Variants in MYO18B observed in about 807,000 individuals in gnomAD.
MYO18B encodes myosin XVIIIB.
MYO18B carries 204 observed loss-of-function variants against 273.0 expected under a neutral mutation model. That is an observed-to-expected ratio of 0.75 (90% CI 0.67 to 0.84). The LOEUF (loss-of-function observed/expected upper bound fraction) is 0.84, where lower values mean the gene tolerates loss of function less well. MYO18B is among the 40% of genes least tolerant of loss of function. The pLI, the probability that MYO18B is intolerant of heterozygous loss-of-function variation, is 0.00. For missense variants in MYO18B, 3,212 were observed against 3,287.6 expected (o/e 0.98, Z 0.56); for synonymous variants, 1,330 against 1,305.7 (o/e 1.02, Z -0.40).
intron 21 of MYO18B, among the ~76,000 whole-genome samples, chr22:25,863,180 T>C (rs1463095400): frequency 6.6e-6 from 1 of 152,222 alleles, no homozygotes; most frequent in Non-Finnish European, 1.5e-5. Context: ...AAATAATTTC[T>C]ATCTTGTTAT....
In MYO18B at chr22:26,027,373, G is replaced by T; in HGVS notation, c.7399G>T (p.Gly2467Cys). The change falls in exon 43 of 44, where the codon GGT becomes TGT. Residue 2467 changes from glycine (G) to cysteine (C), a missense_variant. Coordinates refer to ENST00000335473, the MANE Select transcript of MYO18B (RefSeq NM_032608.7). This position sits in a 1 kb window ranked among gnomAD's most constrained non-coding sequence, Gnocchi z 4.1. ...LAGSAKGGQD[G>C]SQRSSIHFET... Reference sequence around the variant, plus strand: ...TGGATCAGCCAAAGGTGGGCAAGACGGTTCACAGCGTTCAAGCATCCACTT... The same window carrying T: ...TGGATCAGCCAAAGGTGGGCAAGACTGTTCACAGCGTTCAAGCATCCACTT... 2.5e-6 allele frequency: 4 copies of T among 1,613,952 alleles called. No homozygotes were observed. The South Asian group carries it at 4.4e-5, about 18-fold the overall frequency.
chr22:25,837,524 G>A (rs181659650), intron 17 of MYO18B, among the ~76,000 whole-genome samples: 290 of 152,298 alleles, frequency 1.9e-3, no homozygotes, highest in Admixed American at 4.2e-3. Context: ...GGAATGTTTC[G>A]GGTGATTGTC....
the MYO18B span, among the ~76,000 whole-genome samples, chr22:26,063,564 C>A: frequency 1.3e-5 from 2 of 152,174 alleles, no homozygotes; most frequent in Non-Finnish European, 2.9e-5. Context: ...AGGTCCAGGT[C>A]TCTTTGCACA....
Position 25,947,758 on chromosome 22 carries a change from T to C in MYO18B, c.5678T>C (p.Leu1893Pro). Residue 1893 changes from leucine (L) to proline (P), a missense_variant, in exon 36 of 44, where the codon CTG becomes CCG. Physicochemically the swap from Leu to Pro is moderately conservative, Grantham distance 98. Transcript: ENST00000335473. ...CTGCAGTTTGAGAAGGCGGACCTCC[T>C]GAAGCGCATCGATGAGGACCAGGAT... Reference protein sequence around the residue: ...YRLQFEKADLLKRIDEDQDDL... With the variant: ...YRLQFEKADLPKRIDEDQDDL... The C allele has an allele frequency of 6.2e-7, 1 of 1,613,866 alleles. No individual in the cohort carries two copies. Among genetic ancestry groups the C allele is most frequent in the Non-Finnish European group, 8.5e-7 (1 of 1,179,888 alleles).
intron 41 of MYO18B, among the ~76,000 whole-genome samples, chr22:26,004,342 C>T (rs1934243437): frequency 6.6e-6 from 1 of 152,150 alleles, no homozygotes. Context: ...TCCTTGAACA[C>T]ATCAAATTCA....
the MYO18B span, among the ~76,000 whole-genome samples, chr22:26,060,671 A>G: frequency 6.6e-6 from 1 of 152,184 alleles, no homozygotes; most frequent in Admixed American, 6.6e-5. Flanking sequence ...ACATACGCAC[A>G]CATGCACACT....
At chr22:25,948,466 CTT>C (rs1192242958) in intron 36 of MYO18B, among the ~76,000 whole-genome samples, 3 of 126,738 alleles carry the variant, frequency 2.4e-5, no homozygotes, top group African/African-American at 6.1e-5. Context: ...TTCCTTCTTT[CTT>C]TCTTTCTTTC....
At chr22:26,061,607 C>T in the MYO18B span, among the ~76,000 whole-genome samples, 1 of 151,948 alleles carries the variant, frequency 6.6e-6, no homozygotes, top group Non-Finnish European at 1.5e-5. Context: ...TATCATAGCT[C>T]TCAGTTCCTG....
intron 34 of MYO18B, among the ~76,000 whole-genome samples, chr22:25,925,515 G>C (rs183518427): frequency 6.6e-6 from 1 of 152,030 alleles, no homozygotes; most frequent in African/African-American, 2.4e-5. Context: ...CAAGTGTCCC[G>C]ACCTCTCTGA....
chr22:25,802,766 A>ACC (rs1391738290), intron 12 of MYO18B, among the ~76,000 whole-genome samples: 1 of 98,564 alleles, frequency 1.0e-5, no homozygotes, highest in African/African-American at 3.3e-5. Flanking sequence ...AAAAAAAAAA[A>ACC]AAAAAAAAAA....
intron 40 of MYO18B, among the ~76,000 whole-genome samples, chr22:25,999,438 A>G (rs924331089): frequency 3.3e-5 from 5 of 152,058 alleles, no homozygotes; most frequent in Non-Finnish European, 4.4e-5. Flanking sequence ...AGTACAGCTG[A>G]AGACATTGAA....
chr22:26,047,489 G>A, the MYO18B span, among the ~76,000 whole-genome samples: 1 of 152,154 alleles, frequency 6.6e-6, no homozygotes, highest in African/African-American at 2.4e-5. Context: ...TGACTATTGA[G>A]AGATGTAGTT....
intron 12 of MYO18B, among the ~76,000 whole-genome samples, chr22:25,807,763 CT>C (rs2088549250): frequency 6.6e-6 from 1 of 152,070 alleles, no homozygotes; most frequent in Admixed American, 6.5e-5. Flanking sequence ...AATTCCACCC[CT>C]AGATGAAGGA....
rs140179122 is a variant in MYO18B, at chr22:25,925,988, A to C, written c.5517+4579A>C. Among the ~76,000 whole-genome samples, 582 of 151,174 alleles carry C rather than the reference A, an allele frequency of 3.8e-3. 27 individuals are homozygous for C. In the East Asian group the frequency reaches 0.1, roughly 26 times the overall value. On this transcript the variant is annotated intron_variant, in intron 34 of 43. Transcript: ENST00000335473. ...TGGGAGGCCGAGGAGGGTGGATCAC[A>C]AGGTCAGGAGATCGAGACCAAACTG... is the stretch of plus-strand genomic sequence containing the variant.
chr22:25,823,008 T>C (rs1477499054), intron 12 of MYO18B, among the ~76,000 whole-genome samples: 1 of 152,154 alleles, frequency 6.6e-6, no homozygotes, highest in Admixed American at 6.5e-5. Context: ...CTTACTTCTG[T>C]TTGTTTCCAA....
At chr22:25,869,201 C>T (rs749494182) in intron 22 of MYO18B, among the ~76,000 whole-genome samples, 2 of 152,062 alleles carry the variant, frequency 1.3e-5, no homozygotes, top group Non-Finnish European at 2.9e-5. Context: ...GTAATTCCAG[C>T]ACTTTGGGAG....
At chr22:25,846,429 A>C in intron 19 of MYO18B, 146 bp downstream of exon 19, 2 of 872,176 alleles carry the variant, frequency 2.3e-6, no homozygotes, top group Non-Finnish European at 3.4e-6. Context: ...ACAGAGGAGG[A>C]AATGGGGGCT....
At chr22:26,051,662 C>T in the MYO18B span, among the ~76,000 whole-genome samples, 3 of 152,158 alleles carry the variant, frequency 2.0e-5, no homozygotes, top group Non-Finnish European at 1.5e-5. Context: ...ATGTTTCCTT[C>T]GTACTTCTAC....
At chr22:25,977,621 T>C (rs998418531) in intron 39 of MYO18B, among the ~76,000 whole-genome samples, 3 of 152,020 alleles carry the variant, frequency 2.0e-5, no homozygotes, top group Admixed American at 6.5e-5. Flanking sequence ...AGCACATGCC[T>C]GAGTGGAGAG....
Sources: allele counts gnomAD v4.1 joint callset (sites outside exome capture counted in the v4.1 genomes callset), GRCh38; gene constraint gnomAD v4.1.1; non-coding constraint Gnocchi (gnomAD v3.1); transcripts MANE v1.5; gene names NCBI Gene and HGNC (gene_info 2026-07-23, HGNC 2026-07-21).